Variants in SEC24B observed in about 807,000 individuals in gnomAD.
The protein encoded by SEC24B is protein transport protein Sec24B.
Under a neutral mutation model 142.8 loss-of-function variants are expected in SEC24B, and 45 were observed. The observed-to-expected ratio is 0.32, with a 90% CI of 0.25 to 0.40. SEC24B has a LOEUF of 0.40. SEC24B is among the 10% of genes least tolerant of loss of function. The probability of loss-of-function intolerance (pLI) is 1.00; values close to 1 mark genes in which losing one functional copy is unlikely to be tolerated. For synonymous variants in SEC24B, 574 were observed against 568.2 expected (o/e 1.01, Z -0.15); for missense variants, 1,409 against 1,526.8 (o/e 0.92, Z 1.29).
chr4:109,449,434 G>GT (rs1301880221), intron 1 of SEC24B: 1 of 372,168 alleles, frequency 2.7e-6, no homozygotes, highest in Non-Finnish European at 5.4e-6. Context: ...ATTTCACCAT[G>GT]TTGCCCAAGC....
intron 1 of SEC24B, among the ~76,000 whole-genome samples, chr4:109,442,041 TCAC>T (rs1463733861): frequency 6.6e-6 from 1 of 152,206 alleles, no homozygotes; most frequent in Non-Finnish European, 1.5e-5. Flanking sequence ...ATTTTTGAAA[TCAC>T]CAAGGTTTGT....
chr4:109,526,788 A>G (rs527263486), intron 17 of SEC24B, among the ~76,000 whole-genome samples: 5 of 152,368 alleles, frequency 3.3e-5, no homozygotes, highest in African/African-American at 7.2e-5. Context: ...AATGAGTGAT[A>G]TAGCGTATGT....
chr4:109,451,961 A>G (rs1303549958), intron 1 of SEC24B, among the ~76,000 whole-genome samples: 3 of 152,070 alleles, frequency 2.0e-5, no homozygotes, highest in Admixed American at 6.5e-5. Flanking sequence ...AAATTTACCT[A>G]TAGTATATTT....
chr4:109,504,225 C>T (rs1211597442), intron 6 of SEC24B, among the ~76,000 whole-genome samples: 11 of 152,190 alleles, frequency 7.2e-5, no homozygotes, highest in Non-Finnish European at 1.0e-4. Flanking sequence ...CACAATACTA[C>T]TATCATAGCC....
chr4:109,497,029 T>C (rs1335123923), intron 6 of SEC24B, among the ~76,000 whole-genome samples: 2 of 152,398 alleles, frequency 1.3e-5, no homozygotes, highest in Admixed American at 6.5e-5. Context: ...GACAATAGTC[T>C]GCAAACCATG....
intron 3 of SEC24B, among the ~76,000 whole-genome samples, chr4:109,474,819 T>A (rs914626528): frequency 3.3e-5 from 5 of 152,240 alleles, no homozygotes; most frequent in Admixed American, 2.0e-4. Context: ...CACTAAACAA[T>A]TGCAATTATG....
Position 109,516,511 on chromosome 4 carries a change from AT to A in SEC24B, c.2014-12del. The A allele has an allele frequency of 2.0e-6, 3 of 1,503,408 alleles. No individual in the cohort carries two copies. The highest frequency in any genetic ancestry group is 2.7e-6 in the Non-Finnish European group (3 of 1,093,452). The allele number at this position is 1,503,408 out of a possible 1,614,324, so 93.1% of individuals were successfully genotyped here. On this transcript the variant is annotated splice_polypyrimidine_tract_variant and intron_variant, in intron 10 of 23. Transcript: ENST00000265175. The stretch of plus-strand genomic sequence containing the variant: ...TTGTACCTACCAAATAACTTACTTT[AT>A]TTTTATTCCTTTCAGCTGCGTCCTC...
chr4:109,494,707 C>G lies in SEC24B; in HGVS notation c.1339C>G (p.Pro447Ala), dbSNP rs769376284. 1.1e-5 allele frequency: 17 copies of G among 1,613,890 alleles called. No individual in the cohort carries two copies. Among genetic ancestry groups the G allele is most frequent in the Non-Finnish European group, 1.4e-5 (17 of 1,179,852 alleles). ...TCCAGCTCCAGCTTCAGCTCCAGCT[C>G]CTGTCGTCCCTCAGCCTTCAAAAAT... ...SAPAPASAPA[P>A]VVPQPSKMAK... The change falls in exon 6 of 24, where the codon CCT becomes GCT. Residue 447 changes from proline to alanine, a missense_variant. Physicochemically the swap from Pro to Ala is conservative, Grantham distance 27 (BLOSUM62 -1). Around this residue, in one of 2 missense-constraint regions of SEC24B, gnomAD observed 709 missense variants for 673.5 expected, o/e 1.05. Transcript: ENST00000265175.
intron 4 of SEC24B, among the ~76,000 whole-genome samples, chr4:109,482,973 TATATATAC>T (rs1463138540): frequency 1.1e-4 from 7 of 61,416 alleles, no homozygotes; most frequent in Non-Finnish European, 1.8e-4. Flanking sequence ...TATATATATA[TATATATAC>T]ACACACACAC....
chr4:109,532,863 C>G (rs1725081072), intron 21 of SEC24B, 120 bp downstream of exon 21: 1 of 575,788 alleles, frequency 1.7e-6, no homozygotes, highest in Non-Finnish European at 3.1e-6. Flanking sequence ...GGATTAGGAG[C>G]TGAAATTGGT....
rs1456489241 is a variant in SEC24B, at chr4:109,463,523, A to G, written c.756A>G (p.Gln252=). 6.2e-7 allele frequency: 1 copy of G among 1,614,006 alleles called. No individual in the cohort carries two copies. The highest frequency in any genetic ancestry group is 8.5e-7 in the Non-Finnish European group (1 of 1,180,032). The stretch of plus-strand genomic sequence containing the variant: ...CATCACAACAGCACCACCAGCAGCA[A>G]AGTCTTTCAGGATACAGTACTCTAA... ...PLPSQQHHQQ[Q]SLSGYSTLTW... is the part of the protein sequence containing the mutation. The change falls in exon 2 of 24, where the codon CAA becomes CAG. Residue 252 remains glutamine (Q), a synonymous_variant. Coordinates refer to ENST00000265175, the MANE Select transcript of SEC24B (RefSeq NM_006323.5).
intron 6 of SEC24B, among the ~76,000 whole-genome samples, chr4:109,496,615 C>T (rs1735569494): frequency 6.6e-6 from 1 of 152,114 alleles, no homozygotes; most frequent in African/African-American, 2.4e-5. Context: ...TTGAATCTTG[C>T]CTGGGTGACA....
Position 109,524,923 on chromosome 4 carries a change from T to G in SEC24B, c.2614T>G (p.Ser872Ala). ...TTTGTTCCTTTTAAGTTCACAGTAT[T>G]CTGATCTTGCTTCTCTAGGTAAGGA... is the stretch of plus-strand genomic sequence containing the variant. ...VDLFLLSSQY[S>A]DLASLACMSK... Residue 872 changes from serine to alanine, a missense_variant, in exon 15 of 24, where the codon TCT becomes GCT. Coordinates refer to ENST00000265175, the MANE Select transcript of SEC24B (RefSeq NM_006323.5). The G allele has an allele frequency of 1.9e-6, 3 of 1,611,426 alleles. No homozygotes were observed. Among genetic ancestry groups the G allele is most frequent in the Non-Finnish European group, 2.5e-6 (3 of 1,178,924 alleles).
chr4:109,435,541 C>G (rs941514786), intron 1 of SEC24B, among the ~76,000 whole-genome samples: 3 of 152,132 alleles, frequency 2.0e-5, no homozygotes, highest in Non-Finnish European at 4.4e-5. Flanking sequence ...TCTTAGTGAA[C>G]AGTTTTTAAA....
chr4:109,534,431 A>C (rs1579011259), intron 22 of SEC24B, among the ~76,000 whole-genome samples: 1 of 151,982 alleles, frequency 6.6e-6, no homozygotes, highest in East Asian at 1.9e-4. Flanking sequence ...CTAAAAATAC[A>C]AAAAAATTAG....
At chr4:109,503,504 A>G (rs1187509074) in intron 6 of SEC24B, among the ~76,000 whole-genome samples, 2 of 151,752 alleles carry the variant, frequency 1.3e-5, no homozygotes, top group African/African-American at 4.8e-5. Flanking sequence ...GATTACAGGC[A>G]TGAGCCACTG....
rs372494484 is a variant in SEC24B at position 109,520,433 on chromosome 4, T to C, written c.2194T>C (p.Leu732=). The change falls in exon 12 of 24, where the codon TTA becomes CTA. Residue 732 remains leucine (L), a synonymous_variant. Transcript: ENST00000265175. ...TFDSTIHFYN[L]QEGLSQPQML... ...TGATAGCACTATTCATTTCTACAATTTACAAGAAGGATTATCACAGCCTCA... is the reference window on the plus strand; with the variant it reads ...TGATAGCACTATTCATTTCTACAATCTACAAGAAGGATTATCACAGCCTCA... The C allele has an allele frequency of 3.5e-5, 56 of 1,612,214 alleles. No homozygotes were observed. The African/African-American group carries it at 7.2e-4, about 21-fold the overall frequency.
intron 6 of SEC24B, among the ~76,000 whole-genome samples, chr4:109,503,557 A>C (rs1561145359): frequency 1.3e-5 from 2 of 151,952 alleles, no homozygotes; most frequent in Non-Finnish European, 2.9e-5. Flanking sequence ...ATAGGGTTTC[A>C]ACATGTTGGC....
chr4:109,483,444 T>G (rs1734025819), intron 4 of SEC24B, among the ~76,000 whole-genome samples: 1 of 152,088 alleles, frequency 6.6e-6, no homozygotes. Context: ...TCATATGAGG[T>G]CAGGTGTGGA....
Sources: allele counts gnomAD v4.1 joint callset (sites outside exome capture counted in the v4.1 genomes callset), GRCh38; gene constraint gnomAD v4.1.1; regional missense constraint gnomAD v4.1.1; transcripts MANE v1.5; gene names NCBI Gene and HGNC (gene_info 2026-07-23, HGNC 2026-07-21).